Variants in FGF7 observed in about 807,000 individuals in gnomAD.
FGF7 encodes FGF-7.
FGF7 carries 6 observed loss-of-function variants against 20.5 expected under a neutral mutation model. The observed-to-expected ratio is 0.29, with a 90% confidence interval of 0.16 to 0.58. The LOEUF is 0.58. FGF7 is among the 20% of genes least tolerant of loss of function. FGF7 has a pLI of 0.90. For synonymous variants in FGF7, 64 were observed against 74.7 expected (o/e 0.86, Z 0.74); for missense variants, 144 against 228.8 (o/e 0.63, Z 2.39).
chr15:49,462,365 A>G (rs7166498), intron 2 of FGF7, among the ~76,000 whole-genome samples: 49,686 of 152,024 alleles, frequency 0.33, 8,842 homozygotes, highest in African/African-American at 0.45. Context: ...AAATTTAGAA[A>G]TTTTCGGATG....
At chr15:49,473,205 C>G (rs1262421315) in intron 2 of FGF7, among the ~76,000 whole-genome samples, 6 of 152,094 alleles carry the variant, frequency 3.9e-5, no homozygotes, top group Admixed American at 3.9e-4. Context: ...AAAGATGAGA[C>G]AGATTTACTC....
chr15:49,462,976 A>G (rs1316855462), intron 2 of FGF7, among the ~76,000 whole-genome samples: 1 of 152,234 alleles, frequency 6.6e-6, no homozygotes, highest in Non-Finnish European at 1.5e-5. Flanking sequence ...TTCTCTAAAT[A>G]TCAACAATAC....
chr15:49,427,208 G>A (rs1305296507), intron 2 of FGF7, among the ~76,000 whole-genome samples: 1 of 151,864 alleles, frequency 6.6e-6, no homozygotes, highest in Non-Finnish European at 1.5e-5. Context: ...AGGAAATCTA[G>A]GTTCAAAAAA....
intron 2 of FGF7, among the ~76,000 whole-genome samples, chr15:49,461,148 G>A (rs149600057): frequency 1.3e-5 from 2 of 152,172 alleles, no homozygotes; most frequent in African/African-American, 4.8e-5. Context: ...CCTATCTGTT[G>A]AAGTCCTCCT....
chr15:49,426,856 T>C (rs1248554638), intron 2 of FGF7, among the ~76,000 whole-genome samples: 2 of 152,006 alleles, frequency 1.3e-5, no homozygotes, highest in East Asian at 1.9e-4. Context: ...ATATATGGTA[T>C]ACTTTCTTGA....
intron 2 of FGF7, among the ~76,000 whole-genome samples, chr15:49,445,750 A>G (rs1399454766): frequency 6.6e-6 from 1 of 151,596 alleles, no homozygotes; most frequent in Admixed American, 6.6e-5. Flanking sequence ...AACTGCAGGT[A>G]TCTGTTTAAA....
chr15:49,435,666 A>C (rs932497061), intron 2 of FGF7, among the ~76,000 whole-genome samples: 2 of 151,630 alleles, frequency 1.3e-5, no homozygotes, highest in African/African-American at 4.8e-5. Context: ...GAAGATGGCC[A>C]GATATTGAAT....
In FGF7 at chr15:49,424,226, C is replaced by T; in HGVS notation, c.-72C>T. On this transcript the variant is annotated 5_prime_UTR_variant, in exon 2 of 4. Coordinates refer to ENST00000267843, the MANE Select transcript of FGF7 (RefSeq NM_002009.4). ...TTCACAGATAGGAAGAGGTCAATGA[C>T]CTAGGAGTAACAATCAACTCAAGAT... 1.5e-6 allele frequency: 2 copies of T among 1,364,076 alleles called. No homozygotes were observed. Among genetic ancestry groups the T allele is most frequent in the Non-Finnish European group, 2.1e-6 (2 of 971,506 alleles). 84.5% of individuals were successfully genotyped at this position (1,364,076 alleles called of 1,614,324 possible). A position where few individuals can be genotyped will look rare whatever the true frequency, so the allele number is the denominator to read the frequency against.
chr15:49,462,599 T>C (rs568344308), intron 2 of FGF7, among the ~76,000 whole-genome samples: 2 of 152,244 alleles, frequency 1.3e-5, no homozygotes, highest in South Asian at 4.1e-4. Flanking sequence ...AAGTATAGAG[T>C]AGGGAGGTAA....
intron 2 of FGF7, among the ~76,000 whole-genome samples, chr15:49,454,267 T>C (rs1229060370): frequency 3.9e-5 from 6 of 152,180 alleles, no homozygotes; most frequent in Non-Finnish European, 7.3e-5. Context: ...AGAAGTTTCA[T>C]AGGGGGCAGG....
At chr15:49,464,714 A>T (rs1331058727) in intron 2 of FGF7, among the ~76,000 whole-genome samples, 1 of 152,218 alleles carries the variant, frequency 6.6e-6, no homozygotes, top group South Asian at 2.1e-4. Context: ...ATGACCAATA[A>T]AGTAATGGAC....
At chr15:49,446,126 T>A (rs1352517545) in intron 2 of FGF7, among the ~76,000 whole-genome samples, 2 of 151,580 alleles carry the variant, frequency 1.3e-5, no homozygotes, top group African/African-American at 4.8e-5. Flanking sequence ...ATTAGTGTAT[T>A]ATAATTGGGA....
At chr15:49,456,480 A>G (rs2053300083) in intron 2 of FGF7, among the ~76,000 whole-genome samples, 1 of 152,144 alleles carries the variant, frequency 6.6e-6, no homozygotes, top group African/African-American at 2.4e-5. Flanking sequence ...CTCAACCATT[A>G]TATTTCCATT....
At chr15:49,454,970 T>A (rs1265347770) in intron 2 of FGF7, among the ~76,000 whole-genome samples, 1 of 152,098 alleles carries the variant, frequency 6.6e-6, no homozygotes, top group South Asian at 2.1e-4. Context: ...ATTAGCCAAT[T>A]CCAGGGATTT....
rs376105789 is a variant in FGF7 at position 49,473,001 on chromosome 15, C to T, written c.287-10150C>T. Among the ~76,000 whole-genome samples, 3 of 152,112 alleles carry T rather than the reference C, an allele frequency of 2.0e-5. No individual in the cohort carries two copies. The South Asian group carries it at 6.2e-4, about 32-fold the overall frequency. On this transcript the variant is annotated intron_variant, in intron 2 of 3. Coordinates refer to ENST00000267843, the MANE Select transcript of FGF7 (RefSeq NM_002009.4). ...GAATTAAAGTGGCTGAATTAAAACT[C>T]ACCATTTCTTAAGCAATTGTATGTG...
chr15:49,429,439 G>A (rs2050402821), intron 2 of FGF7, among the ~76,000 whole-genome samples: 1 of 151,932 alleles, frequency 6.6e-6, no homozygotes, highest in African/African-American at 2.4e-5. Context: ...ATTGCCACGA[G>A]TGCATCTCTT....
intron 2 of FGF7, among the ~76,000 whole-genome samples, chr15:49,441,335 T>C (rs1044872727): frequency 2.0e-5 from 3 of 151,768 alleles, no homozygotes; most frequent in African/African-American, 7.2e-5. Context: ...ATACAATGAT[T>C]AGAAAGCATA....
chr15:49,473,724 AT>A (rs1367361065), intron 2 of FGF7, among the ~76,000 whole-genome samples: 1 of 152,146 alleles, frequency 6.6e-6, no homozygotes, highest in African/African-American at 2.4e-5. Flanking sequence ...AAGTGAGCTA[AT>A]TTTTTTAAAG....
rs1057133325 is a variant in FGF7, at chr15:49,424,414, A to G, written c.117A>G (p.Gln39=). Residue 39 remains glutamine, a synonymous_variant, in exon 2 of 4, where the codon CAA becomes CAG. Transcript: ENST00000267843. ...CTTGCAATGACATGACTCCAGAGCA[A>G]ATGGCTACAAATGTGAACTGTTCCA... ...SLACNDMTPE[Q]MATNVNCSSP... 3.1e-6 allele frequency: 5 copies of G among 1,613,752 alleles called. No individual in the cohort carries two copies. The Admixed American group carries it at 5.0e-5, about 16-fold the overall frequency.
Sources: allele counts gnomAD v4.1 joint callset (sites outside exome capture counted in the v4.1 genomes callset), GRCh38; gene constraint gnomAD v4.1.1; transcripts MANE v1.5; gene names NCBI Gene and HGNC (gene_info 2026-07-23, HGNC 2026-07-21).